The following CREB3L2 variants were observed in gnomAD, a reference collection of about 807,000 sequenced individuals.
The protein encoded by CREB3L2 is cAMP responsive element binding protein 3 like 2.
CREB3L2 carries 23 observed loss-of-function variants against 57.2 expected under a neutral mutation model. The observed-to-expected ratio is 0.40, with a 90% CI of 0.29 to 0.57. The LOEUF (loss-of-function observed/expected upper bound fraction) is 0.57. Ranked by LOEUF, CREB3L2 falls within the 20% of genes least tolerant of loss-of-function variation. The pLI is 0.42. For synonymous variants in CREB3L2, 268 were observed against 265.1 expected, an observed-to-expected ratio of 1.01 and a Z score of -0.11; for missense variants, 628 against 634.7, an observed-to-expected ratio of 0.99 and a Z score of 0.11.
intron 5 of CREB3L2, 36 bp downstream of exon 5, chr7:137,908,215 GT>G (rs746183155): frequency 1.2e-5 from 15 of 1,227,234 alleles, no homozygotes; most frequent in African/African-American, 1.6e-5. Context: ...AATGGAGAGG[GT>G]TCCCTTTGGT....
At chr7:137,954,287 T>C (rs755764358) in intron 1 of CREB3L2, among the ~76,000 whole-genome samples, 1 of 152,084 alleles carries the variant, frequency 6.6e-6, no homozygotes, top group Non-Finnish European at 1.5e-5. Context: ...TTATTTTTCC[T>C]GAAAAAGAAA....
intron 6 of CREB3L2, among the ~76,000 whole-genome samples, chr7:137,904,331 G>A (rs547875439): frequency 2.5e-4 from 38 of 152,254 alleles, no homozygotes; most frequent in African/African-American, 9.1e-4. Flanking sequence ...AGGAGTTCGA[G>A]ACCAGCCTGG....
At chr7:137,894,571 T>C (rs1799586397) in intron 8 of CREB3L2, among the ~76,000 whole-genome samples, 1 of 152,044 alleles carries the variant, frequency 6.6e-6, no homozygotes, top group Admixed American at 6.6e-5. Context: ...AGATTTGGGG[T>C]AGAAGTCCAC....
intron 1 of CREB3L2, among the ~76,000 whole-genome samples, chr7:137,930,939 A>AG (rs1800601985): frequency 6.6e-6 from 1 of 151,806 alleles, no homozygotes; most frequent in Non-Finnish European, 1.5e-5. Flanking sequence ...AAAAAAAAAA[A>AG]AAAGAAACTG....
intron 1 of CREB3L2, among the ~76,000 whole-genome samples, chr7:137,993,769 A>C (rs1801940537): frequency 6.6e-6 from 1 of 152,196 alleles, no homozygotes. Context: ...TTAACTATGC[A>C]TCAAGCACTT....
chr7:137,943,001 A>G (rs1800902449), intron 1 of CREB3L2, among the ~76,000 whole-genome samples: 1 of 152,232 alleles, frequency 6.6e-6, no homozygotes, highest in African/African-American at 2.4e-5. Flanking sequence ...TTAAGAAGTA[A>G]GAAGTCAAAG....
At chr7:137,933,112 A>G (rs1206334737) in intron 1 of CREB3L2, among the ~76,000 whole-genome samples, 2 of 152,238 alleles carry the variant, frequency 1.3e-5, no homozygotes, top group African/African-American at 4.8e-5. Flanking sequence ...TAGCTCCCCA[A>G]GGACAAATTT....
At chr7:137,972,613 G>C (rs113324604) in intron 1 of CREB3L2, among the ~76,000 whole-genome samples, 7,292 of 139,686 alleles carry the variant, frequency 0.052, 337 homozygotes, top group African/African-American at 0.12. Context: ...TTGGGAGGCT[G>C]AAGTGGGAGG....
At chr7:137,959,620 C>A (rs983446636) in intron 1 of CREB3L2, among the ~76,000 whole-genome samples, 1 of 152,158 alleles carries the variant, frequency 6.6e-6, no homozygotes, top group Non-Finnish European at 1.5e-5. Context: ...TTCCCAAAAA[C>A]GTTTTGGGAG....
chr7:137,931,187 G>C (rs981982722), intron 1 of CREB3L2, among the ~76,000 whole-genome samples: 1 of 151,244 alleles, frequency 6.6e-6, no homozygotes, highest in African/African-American at 2.4e-5. Flanking sequence ...AACCATGATT[G>C]TACCATTGCA....
intron 2 of CREB3L2, 51 bp from the exon 3 acceptor site, chr7:137,916,063 A>AT: frequency 2.0e-6 from 3 of 1,501,602 alleles, no homozygotes; most frequent in Non-Finnish European, 2.7e-6. Context: ...GGCATCAGGC[A>AT]TAAGCAAAAC....
chr7:137,886,106 C>A (rs1799413788), intron 8 of CREB3L2, among the ~76,000 whole-genome samples: 1 of 152,170 alleles, frequency 6.6e-6, no homozygotes, highest in Non-Finnish European at 1.5e-5. Flanking sequence ...TCTTGGACTT[C>A]CCAGCCTCCA....
chr7:137,880,367 C>T lies in CREB3L2; in HGVS notation c.*109G>A. The T allele has an allele frequency of 2.3e-6, 2 of 880,778 alleles. No homozygotes were observed. Among genetic ancestry groups the T allele is most frequent in the Admixed American group, 2.0e-5 (1 of 49,312 alleles). The allele number at this position is 880,778 out of a possible 1,614,324, so 54.6% of individuals were successfully genotyped here. ...TCCAATCTGAAGCCACTAATGCTTG[C>T]CCATGTCTCCATGAAGATCCAGTGG... is the stretch of plus-strand genomic sequence containing the variant. On this transcript the variant is annotated 3_prime_UTR_variant, in exon 12 of 12. Coordinates refer to ENST00000330387, the MANE Select transcript of CREB3L2 (RefSeq NM_194071.4). The surrounding 1 kb of genome is among the most constrained non-coding windows in gnomAD (Gnocchi z 4.0).
In CREB3L2 at chr7:137,875,084, CTTTTTT is replaced by C. The variant is rs59223079; in HGVS notation, c.*5386_*5391del. 1.2e-5 allele frequency: 2 copies of C among 165,336 alleles called. No homozygotes were observed. Among genetic ancestry groups the C allele is most frequent in the Admixed American group, 1.4e-4 (2 of 14,552 alleles). 10.2% of individuals were successfully genotyped at this position (165,336 alleles called of 1,614,324 possible). On this transcript the variant is annotated 3_prime_UTR_variant, in exon 12 of 12. Coordinates refer to ENST00000330387, the MANE Select transcript of CREB3L2 (RefSeq NM_194071.4). ...AACTAAGTACAAGTGTCCTACAAAG[CTTTTTT>C]TTTTTTTTGGTATTTACTTAGCTAT...
At chr7:137,982,309 A>G (rs993998834) in intron 1 of CREB3L2, among the ~76,000 whole-genome samples, 1 of 152,120 alleles carries the variant, frequency 6.6e-6, no homozygotes, top group African/African-American at 2.4e-5. Context: ...CTTTCAGTAG[A>G]AAACACACTG....
intron 1 of CREB3L2, among the ~76,000 whole-genome samples, chr7:137,992,415 A>G (rs1362932952): frequency 2.0e-5 from 3 of 152,290 alleles, no homozygotes; most frequent in Admixed American, 2.0e-4. Context: ...GAGCTGAGTC[A>G]CTCAACATGC....
chr7:137,911,262 A>G (rs1269187251), intron 4 of CREB3L2, among the ~76,000 whole-genome samples: 1 of 152,230 alleles, frequency 6.6e-6, no homozygotes, highest in African/African-American at 2.4e-5. Context: ...ATTATTTACT[A>G]AGTATTATTT....
At chr7:137,944,065 C>T (rs1031567561) in intron 1 of CREB3L2, among the ~76,000 whole-genome samples, 5 of 152,178 alleles carry the variant, frequency 3.3e-5, no homozygotes, top group African/African-American at 9.7e-5. Flanking sequence ...CCAAATGCCC[C>T]TTTCCCCATT....
intron 1 of CREB3L2, among the ~76,000 whole-genome samples, chr7:137,965,956 A>C (rs1364612156): frequency 3.9e-5 from 6 of 152,196 alleles, no homozygotes. Context: ...TAGAGTTTCT[A>C]ATTCAGTAGG....
Sources: gnomAD v4.1 joint callset for allele counts (sites outside exome capture counted in the v4.1 genomes callset) on GRCh38, gnomAD v4.1.1 for gene constraint, Gnocchi (gnomAD v3.1) non-coding constraint, MANE v1.5 for transcripts, NCBI Gene and HGNC (gene_info 2026-07-23, HGNC 2026-07-21) for gene names.